SCLT1: variants seen among roughly 807,000 people sequenced by gnomAD.
SCLT1 encodes sodium channel and clathrin linker 1, also known as sodium channel-associated protein 1.
A neutral mutation model predicts 112.8 loss-of-function variants in SCLT1; 78 were observed. The ratio of observed to expected loss-of-function variants is 0.69; its 90% CI spans 0.58 to 0.83. The LOEUF (loss-of-function observed/expected upper bound fraction) is 0.83. Among genes scored for constraint, SCLT1 ranks in the 40% least tolerant of loss-of-function variants. The pLI is 0.00. For synonymous variants in SCLT1, 257 were observed against 254.7 expected, an observed-to-expected ratio of 1.01 and a Z score of -0.09; for missense variants, 747 against 770.4, an observed-to-expected ratio of 0.97 and a Z score of 0.36.
At chr4:129,081,720 C>T (rs764959616) in intron 2 of SCLT1, among the ~76,000 whole-genome samples, 3 of 152,206 alleles carry the variant, frequency 2.0e-5, no homozygotes, top group Admixed American at 6.5e-5. Context: ...GAGATTTGGG[C>T]GGGGACACAG....
chr4:129,060,439 G>A (rs1047142226), intron 2 of SCLT1, among the ~76,000 whole-genome samples: 1 of 152,052 alleles, frequency 6.6e-6, no homozygotes, highest in Non-Finnish European at 1.5e-5. Flanking sequence ...ACACCTGTTG[G>A]AACAATCACC....
chr4:128,909,611 A>G, intron 18 of SCLT1, among the ~76,000 whole-genome samples: 1 of 152,210 alleles, frequency 6.6e-6, no homozygotes, highest in East Asian at 1.9e-4. Context: ...TTTATTCAAT[A>G]ATTTCTACTT....
At chr4:129,085,982 C>G (rs763989317) in intron 1 of SCLT1, among the ~76,000 whole-genome samples, 2 of 152,004 alleles carry the variant, frequency 1.3e-5, no homozygotes, top group African/African-American at 2.4e-5. Context: ...TATAACAAAC[C>G]TGCACATGTA....
intron 12 of SCLT1, among the ~76,000 whole-genome samples, chr4:128,958,121 AG>A (rs1462822464): frequency 6.6e-6 from 1 of 152,168 alleles, no homozygotes; most frequent in African/African-American, 2.4e-5. Context: ...TTCTTCAATT[AG>A]GCCAAATTGA....
Position 129,031,125 on chromosome 4 carries a change from G to A in SCLT1, c.290+7916C>T, listed in dbSNP as rs185042809. 5.1e-3 allele frequency among the ~76,000 whole-genome samples: 768 copies of A among 152,052 alleles called. 6 individuals are homozygous for A. Among genetic ancestry groups the A allele is most frequent in the African/African-American group, 0.017 (719 of 41,472 alleles). ...AAAGCTTATCCACCAAGATCAAGTC[G>A]CTTTCATCCCTAGGATACAAGGCTG... On this transcript the variant is annotated intron_variant, in intron 5 of 20. Transcript: ENST00000281142.
At chr4:129,013,704 G>A (rs1371097541) in intron 5 of SCLT1, among the ~76,000 whole-genome samples, 1 of 152,094 alleles carries the variant, frequency 6.6e-6, no homozygotes, top group African/African-American at 2.4e-5. Flanking sequence ...CCCTTTGTAG[G>A]TGACCTCATC....
intron 12 of SCLT1, among the ~76,000 whole-genome samples, chr4:128,958,680 AC>A (rs1739421356): frequency 6.6e-6 from 1 of 152,198 alleles, no homozygotes; most frequent in Non-Finnish European, 1.5e-5. Flanking sequence ...GGTATTCGAC[AC>A]AATTCCCAAG....
At chr4:128,970,583 G>C (rs1038512641) in intron 9 of SCLT1, 115 bp from the exon 10 acceptor site, 4 of 637,970 alleles carry the variant, frequency 6.3e-6, no homozygotes, top group African/African-American at 1.8e-5. Flanking sequence ...ATCTAAAATG[G>C]ATCCATGGAA....
chr4:129,031,964 A>G (rs1232434483), intron 5 of SCLT1, among the ~76,000 whole-genome samples: 2 of 152,186 alleles, frequency 1.3e-5, no homozygotes, highest in African/African-American at 4.8e-5. Context: ...TAAATTTCAT[A>G]TGGAATCAAA....
Position 129,022,241 on chromosome 4 carries a change from C to T in SCLT1, c.290+16800G>A, listed in dbSNP as rs534064268. 3.3e-5 allele frequency among the ~76,000 whole-genome samples: 5 copies of T among 152,238 alleles called. No individual in the cohort carries two copies. In the South Asian group the frequency reaches 1.0e-3, roughly 32 times the overall value. On this transcript the variant is annotated intron_variant, in intron 5 of 20. Transcript: ENST00000281142. Reference sequence around the variant, plus strand: ...AAAAACCAGAATGCCTCTTCTGCTCCAAATGATTGCAACTCCTCTCCAACA... The same window carrying T: ...AAAAACCAGAATGCCTCTTCTGCTCTAAATGATTGCAACTCCTCTCCAACA...
Position 129,061,114 on chromosome 4 carries a change from G to T in SCLT1, c.103-17063C>A, listed in dbSNP as rs11934229. On this transcript the variant is annotated intron_variant, in intron 2 of 20. Transcript: ENST00000281142. Reference sequence around the variant, plus strand: ...ACCTAGAAGTAAGCAACTTGAGCCAGTAGAGTTCAGTGGCATCTCAGATAC... The same window carrying T: ...ACCTAGAAGTAAGCAACTTGAGCCATTAGAGTTCAGTGGCATCTCAGATAC... Among the ~76,000 whole-genome samples the T allele has an allele frequency of 7.9e-3, 1,208 of 152,260 alleles. 15 individuals are homozygous for T. Among genetic ancestry groups the T allele is most frequent in the African/African-American group, 0.028 (1,158 of 41,544 alleles).
intron 5 of SCLT1, among the ~76,000 whole-genome samples, chr4:129,024,842 A>G (rs1745875342): frequency 6.6e-6 from 1 of 152,188 alleles, no homozygotes; most frequent in Non-Finnish European, 1.5e-5. Flanking sequence ...ACCAATACAG[A>G]GAAGTGCTTA....
Position 129,093,410 on chromosome 4 carries a change from C to T in SCLT1, c.-307G>A, listed in dbSNP as rs1355056558. 1 of 448,562 alleles carries T rather than the reference C, an allele frequency of 2.2e-6. No homozygotes were observed. Among genetic ancestry groups the T allele is most frequent in the Non-Finnish European group, 4.1e-6 (1 of 246,420 alleles). 27.8% of individuals were successfully genotyped at this position (448,562 alleles called of 1,614,324 possible). A position where few individuals can be genotyped will look rare whatever the true frequency, so the allele number is the denominator to read the frequency against. On this transcript the variant is annotated 5_prime_UTR_variant, in exon 1 of 21. Transcript: ENST00000281142. ...GCGTCCCGCGGGTCACTCTGGGTCT[C>T]GTCGGGCCACCTAGGAGAGTGCCGC...
chr4:128,965,825 A>G (rs1168373024), intron 10 of SCLT1, among the ~76,000 whole-genome samples: 1 of 143,716 alleles, frequency 7.0e-6, no homozygotes, highest in Non-Finnish European at 1.5e-5. Flanking sequence ...TTATGATGCC[A>G]TAACTTTTTT....
At chr4:128,941,382 A>T (rs1466340857) in intron 17 of SCLT1, among the ~76,000 whole-genome samples, 1 of 151,976 alleles carries the variant, frequency 6.6e-6, no homozygotes, top group African/African-American at 2.4e-5. Flanking sequence ...TTGTAGTTTT[A>T]ATTTAAATTC....
rs1733157646 is a variant in SCLT1 at position 128,889,628 on chromosome 4, A to G, written c.1909-854T>C. Among the ~76,000 whole-genome samples, 3 of 152,260 alleles carry G rather than the reference A, an allele frequency of 2.0e-5. No individual in the cohort carries two copies. In the South Asian group the frequency reaches 6.2e-4, roughly 31 times the overall value. ...AGAACTATACAGGCATCATGAATAC[A>G]AAGCTGTCACAACATACTGTCAGAC... On this transcript the variant is annotated intron_variant, in intron 19 of 20. Transcript: ENST00000281142.
intron 2 of SCLT1, among the ~76,000 whole-genome samples, chr4:129,077,003 T>C (rs1054078093): frequency 2.0e-5 from 3 of 152,180 alleles, no homozygotes; most frequent in African/African-American, 7.2e-5. Context: ...ATTAAATATA[T>C]AAGCTATTCA....
At chr4:129,039,911 C>G in intron 4 of SCLT1, 1 of 404,328 alleles carries the variant, frequency 2.5e-6, no homozygotes, top group South Asian at 3.7e-5. Flanking sequence ...CACACACACA[C>G]ACACACACAC....
intron 2 of SCLT1, among the ~76,000 whole-genome samples, chr4:129,050,513 G>C (rs897584238): frequency 6.6e-6 from 1 of 151,916 alleles, no homozygotes; most frequent in Non-Finnish European, 1.5e-5. Flanking sequence ...CTTCATGTTT[G>C]TTGGCAGCAT....
Sources: gnomAD v4.1 joint callset for allele counts (sites outside exome capture counted in the v4.1 genomes callset) on GRCh38, gnomAD v4.1.1 for gene constraint, MANE v1.5 for transcripts, NCBI Gene and HGNC (gene_info 2026-07-23, HGNC 2026-07-21) for gene names.